Variants in SGPL1 observed in about 807,000 individuals in gnomAD.
SGPL1 encodes the protein sphingosine-1-phosphate lyase 1.
Under a neutral mutation model 68.9 loss-of-function variants are expected in SGPL1, and 37 were observed. The ratio of observed to expected loss-of-function variants is 0.54; its 90% CI spans 0.41 to 0.71. The LOEUF (loss-of-function observed/expected upper bound fraction) is 0.71, where lower values mean the gene tolerates loss of function less well. Ranked by LOEUF, SGPL1 falls within the 30% of genes least tolerant of loss-of-function variation. The probability of loss-of-function intolerance (pLI) is 0.00; values close to 1 mark genes in which losing one functional copy is unlikely to be tolerated. For synonymous variants in SGPL1, 236 were observed against 248.5 expected, an observed-to-expected ratio of 0.95 and a Z score of 0.47; for missense variants, 551 against 704.6, an observed-to-expected ratio of 0.78 and a Z score of 2.47.
chr10:70,816,284 C>T (rs1277188749), intron 1 of SGPL1, among the ~76,000 whole-genome samples, 158 bp downstream of exon 1: 2 of 149,604 alleles, frequency 1.3e-5, no homozygotes, highest in Non-Finnish European at 3.0e-5. Context: ...GGCGTGGGCA[C>T]CAGCCGCTGA....
At position 70,844,654 on chromosome 10, in the gene SGPL1, C is replaced by A; in HGVS notation, c.193+16C>A. On this transcript the variant is annotated intron_variant, in intron 3 of 14. Coordinates refer to ENST00000373202, the MANE Select transcript of SGPL1 (RefSeq NM_003901.4). ...CAGCCAGAGAGTAAGTATGCTGTCT[C>A]CTCTGTAAAGGTATAGTGGTGTGTC... 6.2e-7 allele frequency: 1 copy of A among 1,611,368 alleles called. No individual in the cohort carries two copies. The highest frequency in any genetic ancestry group is 8.5e-7 in the Non-Finnish European group (1 of 1,178,348).
At chr10:70,868,666 A>G (rs1193871556) in intron 8 of SGPL1, among the ~76,000 whole-genome samples, 1 of 150,316 alleles carries the variant, frequency 6.7e-6, no homozygotes. Context: ...CCCCCAGATC[A>G]TGCATAGTAT....
intron 3 of SGPL1, 65 bp from the exon 4 acceptor site, chr10:70,851,078 T>G: frequency 8.0e-7 from 1 of 1,248,156 alleles, no homozygotes; most frequent in Non-Finnish European, 1.2e-6. Flanking sequence ...CATTGAATGG[T>G]TGCTATATGC....
rs111357639 is a variant in SGPL1 at position 70,853,916 on chromosome 10, G to A, written c.262-792G>A. 5.6e-3 allele frequency among the ~76,000 whole-genome samples: 850 copies of A among 152,300 alleles called. 14 individuals are homozygous for A. The highest frequency in any genetic ancestry group is 0.019 in the African/African-American group (799 of 41,558). On this transcript the variant is annotated intron_variant, in intron 4 of 14. Transcript: ENST00000373202. ...GACCTCCAAATTCCTAGTGTGCTGC[G>A]TGTATGTCTGTTGAAGGAGCTCATC...
chr10:70,863,401 T>C (rs7923945), intron 7 of SGPL1, among the ~76,000 whole-genome samples: 8,745 of 151,956 alleles, frequency 0.058, 353 homozygotes, highest in African/African-American at 0.12. Flanking sequence ...GTATTCTGTG[T>C]CTGATAATTC....
At chr10:70,852,432 C>A (rs1305592259) in intron 4 of SGPL1, among the ~76,000 whole-genome samples, 1 of 152,166 alleles carries the variant, frequency 6.6e-6, no homozygotes, top group Admixed American at 6.5e-5. Context: ...CTAGTCCTTA[C>A]AGAGTATAAG....
intron 2 of SGPL1, among the ~76,000 whole-genome samples, chr10:70,842,309 G>T (rs1468473644): frequency 1.3e-5 from 2 of 152,112 alleles, no homozygotes; most frequent in East Asian, 3.8e-4. Flanking sequence ...ACGAACATGC[G>T]TTTAAAATGT....
chr10:70,833,750 C>T (rs1180513279), intron 2 of SGPL1, among the ~76,000 whole-genome samples: 2 of 152,100 alleles, frequency 1.3e-5, no homozygotes, highest in East Asian at 1.9e-4. Flanking sequence ...GAGGCTTAGT[C>T]CTTAGAGTAA....
chr10:70,844,690 A>G, intron 3 of SGPL1, 52 bp downstream of exon 3: 1 of 1,510,686 alleles, frequency 6.6e-7, no homozygotes, highest in Non-Finnish European at 9.1e-7. Context: ...ACTAGCCTCA[A>G]ACTAATTGCT....
At position 70,876,404 on chromosome 10, in the gene SGPL1, A is replaced by G. The variant is rs1008329422; in HGVS notation, c.1446-137A>G. 51 of 741,214 alleles carry G rather than the reference A, an allele frequency of 6.9e-5. No individual in the cohort carries two copies. In the African/African-American group the frequency reaches 7.9e-4, roughly 11 times the overall value. The allele number at this position is 741,214 out of a possible 1,614,324, so 45.9% of individuals were successfully genotyped here. Reference sequence around the variant, plus strand: ...TGAGAGAGCCGAGATTCCCAGGACTAGGAACAACTTGGATGACTACACTTG... The same window carrying G: ...TGAGAGAGCCGAGATTCCCAGGACTGGGAACAACTTGGATGACTACACTTG... On this transcript the variant is annotated intron_variant, in intron 13 of 14. Coordinates refer to ENST00000373202, the MANE Select transcript of SGPL1 (RefSeq NM_003901.4).
rs1321491803 is a variant in SGPL1, at chr10:70,868,379, C to G, written c.650C>G (p.Ala217Gly). Residue 217 changes from alanine to glycine, a missense_variant, in exon 8 of 15, where the codon GCC becomes GGC. By Grantham distance (60) the Ala-to-Gly change is moderately conservative. Coordinates refer to ENST00000373202, the MANE Select transcript of SGPL1 (RefSeq NM_003901.4). ...TSGGTESILMACKAYRDLAFE... is the reference protein window; with the variant it reads ...TSGGTESILMGCKAYRDLAFE... ...GGGGGAACAGAAAGCATACTGATGG[C>G]CTGCAAAGCATATCGGGATCTGGCC... 9 of 1,613,306 alleles carry G rather than the reference C, an allele frequency of 5.6e-6. No individual in the cohort carries two copies. The highest frequency in any genetic ancestry group is 7.6e-6 in the Non-Finnish European group (9 of 1,179,586).
chr10:70,827,152 TGA>T, intron 2 of SGPL1, among the ~76,000 whole-genome samples: 1 of 152,368 alleles, frequency 6.6e-6, no homozygotes, highest in African/African-American at 2.4e-5. Context: ...CAACAATATA[TGA>T]GAGTTATTTC....
intron 2 of SGPL1, among the ~76,000 whole-genome samples, chr10:70,823,422 GTAATTATAA>G (rs1845376875): frequency 6.6e-6 from 1 of 151,406 alleles, no homozygotes; most frequent in Non-Finnish European, 1.5e-5. Flanking sequence ...TAATTACACA[GTAATTATAA>G]ATGTTTAGTA....
chr10:70,854,617 A>C, intron 4 of SGPL1, 91 bp from the exon 5 acceptor site: 4 of 1,076,914 alleles, frequency 3.7e-6, no homozygotes, highest in Non-Finnish European at 5.4e-6. Flanking sequence ...TGCGGTGCCT[A>C]GCATTGAGCA....
chr10:70,835,784 T>G (rs923362629), intron 2 of SGPL1, among the ~76,000 whole-genome samples: 6 of 145,594 alleles, frequency 4.1e-5, no homozygotes, highest in African/African-American at 1.5e-4. Context: ...TACAGGAGAA[T>G]GAAGGGAAAC....
rs569615515 is a variant in SGPL1, at chr10:70,816,383, C to T, written c.-44+257C>T. Among the ~76,000 whole-genome samples, 76 of 151,952 alleles carry T rather than the reference C, an allele frequency of 5.0e-4. 1 individual carries two copies. The highest frequency in any genetic ancestry group is 1.0e-3 in the Non-Finnish European group (69 of 67,952). On this transcript the variant is annotated intron_variant, in intron 1 of 14. Coordinates refer to ENST00000373202, the MANE Select transcript of SGPL1 (RefSeq NM_003901.4). ...CTGCCGCGGGGTAGGCATGGGCGGC[C>T]AGGATTTGCTGGTCCTCCGACGGGA...
chr10:70,863,204 G>C (rs827253), intron 7 of SGPL1, among the ~76,000 whole-genome samples: 149,842 of 151,854 alleles, frequency 0.99, 73,963 homozygotes, highest in Middle Eastern at 1. Flanking sequence ...CCAGGCTGGT[G>C]TTGAACTCCC....
chr10:70,816,209 T>G (rs1589443165), intron 1 of SGPL1, 83 bp downstream of exon 1: 1 of 78,390 alleles, frequency 1.3e-5, no homozygotes, highest in East Asian at 5.0e-4. Flanking sequence ...AGGGGCCGGG[T>G]GGGCCGAGGG....
chr10:70,825,195 C>G (rs1845411626), intron 2 of SGPL1, among the ~76,000 whole-genome samples: 1 of 152,028 alleles, frequency 6.6e-6, no homozygotes, highest in Admixed American at 6.6e-5. Context: ...TGTAGGAATG[C>G]CAGCCAGTGA....
Sources: allele counts gnomAD v4.1 joint callset (sites outside exome capture counted in the v4.1 genomes callset), GRCh38; gene constraint gnomAD v4.1.1; transcripts MANE v1.5; gene names NCBI Gene and HGNC (gene_info 2026-07-23, HGNC 2026-07-21).